CC2D2A: variants seen among roughly 807,000 people sequenced by gnomAD.
CC2D2A encodes coiled-coil and C2 domain containing 2A, also known as coiled-coil and C2 domain-containing protein 2A.
A neutral mutation model predicts 212.9 loss-of-function variants in CC2D2A; 155 were observed. That is an observed-to-expected ratio of 0.73 (90% CI 0.64 to 0.83). The LOEUF is 0.83. CC2D2A is among the 40% of genes least tolerant of loss of function. The pLI is 0.00. For synonymous variants in CC2D2A, 667 were observed against 686.5 expected, an observed-to-expected ratio of 0.97 and a Z score of 0.44; for missense variants, 1,856 against 1,956.2, an observed-to-expected ratio of 0.95 and a Z score of 0.97.
At chr4:15,594,723 AG>A (rs1392609647) in intron 33 of CC2D2A, among the ~76,000 whole-genome samples, 6 of 152,342 alleles carry the variant, frequency 3.9e-5, no homozygotes, top group African/African-American at 1.4e-4. Context: ...GCATATAGAA[AG>A]GAGTGCAGAA....
intron 4 of CC2D2A, chr4:15,482,162 T>C: frequency 1.0e-6 from 1 of 985,424 alleles, no homozygotes; most frequent in Non-Finnish European, 1.2e-6. Context: ...TAGAGGCCTT[T>C]GGAAGCAAGT....
At chr4:15,510,064 G>T in intron 6 of CC2D2A, 75 bp from the exon 7 acceptor site, 1 of 1,121,272 alleles carries the variant, frequency 8.9e-7, no homozygotes, top group Non-Finnish European at 1.3e-6. Flanking sequence ...GGATGGGGGG[G>T]TTAACCTTCA....
chr4:15,476,314 T>C (rs1324363970), intron 2 of CC2D2A, among the ~76,000 whole-genome samples: 1 of 152,226 alleles, frequency 6.6e-6, no homozygotes, highest in Admixed American at 6.5e-5. Flanking sequence ...CTGTGATTGA[T>C]TGACACTCAG....
In CC2D2A at chr4:15,574,808, T is replaced by A. The variant is rs143279337; in HGVS notation, c.3771+482T>A. ...CCTTCATGAGTCACCTCAATTCATTTCATGAAATAAATATATGTACAAGTA... is the reference window on the plus strand; with the variant it reads ...CCTTCATGAGTCACCTCAATTCATTACATGAAATAAATATATGTACAAGTA... On this transcript the variant is annotated intron_variant, in intron 29 of 36. Transcript: ENST00000424120. Among the ~76,000 whole-genome samples the A allele has an allele frequency of 2.8e-3, 431 of 152,346 alleles. 6 individuals carry two copies. Among genetic ancestry groups the A allele is most frequent in the African/African-American group, 0.01 (418 of 41,584 alleles).
chr4:15,500,590 G>A (rs1715892202), intron 4 of CC2D2A, among the ~76,000 whole-genome samples: 1 of 152,060 alleles, frequency 6.6e-6, no homozygotes, highest in African/African-American at 2.4e-5. Flanking sequence ...TGATAGTTGG[G>A]GGCATGATAT....
chr4:15,533,954 A>G (rs1717986795), intron 14 of CC2D2A, among the ~76,000 whole-genome samples: 2 of 152,198 alleles, frequency 1.3e-5, no homozygotes, highest in Admixed American at 1.3e-4. Flanking sequence ...GTGCTGATTC[A>G]TGCCTTCATG....
At position 15,560,584 on chromosome 4, in the gene CC2D2A, T is replaced by C; in HGVS notation, c.2976T>C (p.Leu992=). 2 of 1,522,212 alleles carry C rather than the reference T, an allele frequency of 1.3e-6. No individual in the cohort carries two copies. Among genetic ancestry groups the C allele is most frequent in the Non-Finnish European group, 1.8e-6 (2 of 1,107,312 alleles). The allele number at this position is 1,522,212 out of a possible 1,614,324, so 94.3% of individuals were successfully genotyped here. A position where few individuals can be genotyped will look rare whatever the true frequency, so the allele number is the denominator to read the frequency against. The change falls in exon 23 of 37, where the codon CTT becomes CTC. Residue 992 remains leucine, a synonymous_variant. Transcript: ENST00000424120. ...TAATTGCAAAACAATATTTTCTTCT[T>C]GCTGATATGATAGTAGAAGAAGAAG... ...RFLIAKQYFL[L]ADMIVEEEVP...
chr4:15,573,899 A>G (rs528201820), intron 28 of CC2D2A, among the ~76,000 whole-genome samples: 3 of 152,350 alleles, frequency 2.0e-5, no homozygotes, highest in African/African-American at 7.2e-5. Flanking sequence ...CTGCGTTTAA[A>G]CCAAGACTTG....
intron 17 of CC2D2A, among the ~76,000 whole-genome samples, chr4:15,544,541 C>G (rs991907663): frequency 1.3e-5 from 2 of 152,258 alleles, no homozygotes; most frequent in East Asian, 3.9e-4. Flanking sequence ...CTCAGAAAGA[C>G]AGGAGAGAAG....
chr4:15,511,118 A>G, intron 7 of CC2D2A, 129 bp from the exon 8 acceptor site: 2 of 1,048,338 alleles, frequency 1.9e-6, no homozygotes, highest in Non-Finnish European at 1.3e-6. Flanking sequence ...ACCTTTAACT[A>G]AGACAATATG....
At chr4:15,511,675 A>G (rs1274473923) in intron 8 of CC2D2A, 3 of 261,838 alleles carry the variant, frequency 1.1e-5, no homozygotes, top group African/African-American at 4.5e-5. Context: ...GAATTAAATA[A>G]TGTGGCTTGA....
Position 15,514,854 on chromosome 4 carries a change from C to T in CC2D2A, c.865C>T (p.Pro289Ser), listed in dbSNP as rs371405756. ...LQMEREMLFIPSRQTVPTYKK... is the reference protein window; with the variant it reads ...LQMEREMLFISSRQTVPTYKK... The stretch of plus-strand genomic sequence containing the variant: ...GATGGAAAGAGAAATGCTCTTCATA[C>T]CCAGTAGGCAGACAGGTACTTGCTC... Residue 289 changes from proline to serine, a missense_variant, in exon 9 of 37, where the codon CCC becomes TCC. Pro to Ser is a moderately conservative substitution (Grantham distance 74). Around this residue, in one of 5 missense-constraint regions of CC2D2A, gnomAD observed 1,512 missense variants for 1,579.3 expected, o/e 0.96. Coordinates refer to ENST00000424120, the MANE Select transcript of CC2D2A (RefSeq NM_001378615.1). The T allele has an allele frequency of 6.2e-6, 10 of 1,613,698 alleles. No individual in the cohort carries two copies. Among genetic ancestry groups the T allele is most frequent in the Non-Finnish European group, 8.5e-6 (10 of 1,179,680 alleles).
rs569744232 is a variant in CC2D2A at position 15,472,130 on chromosome 4, G to A, written c.-19+2073G>A. Among the ~76,000 whole-genome samples, 18 of 152,274 alleles carry A rather than the reference G, an allele frequency of 1.2e-4. No individual in the cohort carries two copies. The South Asian group carries it at 3.5e-3, about 30-fold the overall frequency. The stretch of plus-strand genomic sequence containing the variant: ...AAATGGTGAGATGGAGGGGTAGAGT[G>A]GAGTGAGGGAGGACTCAGGAATCAC... On this transcript the variant is annotated intron_variant, in intron 1 of 36. Coordinates refer to ENST00000424120, the MANE Select transcript of CC2D2A (RefSeq NM_001378615.1).
At chr4:15,563,307 C>T (rs1560184503) in intron 23 of CC2D2A, 48 bp from the exon 24 acceptor site, 3 of 1,520,460 alleles carry the variant, frequency 2.0e-6, no homozygotes, top group Non-Finnish European at 2.7e-6. Flanking sequence ...CACAATTTTG[C>T]AGACCTTTCT....
At chr4:15,534,070 A>G (rs780750607) in intron 14 of CC2D2A, among the ~76,000 whole-genome samples, 1 of 152,110 alleles carries the variant, frequency 6.6e-6, no homozygotes, top group South Asian at 2.1e-4. Flanking sequence ...TTTCCTGACT[A>G]TTCATGAAGG....
At chr4:15,570,543 T>A (rs771981876) in intron 28 of CC2D2A, 47 bp downstream of exon 28, 2 of 1,335,564 alleles carry the variant, frequency 1.5e-6, no homozygotes, top group Non-Finnish European at 2.1e-6. Context: ...AATTTCTCTA[T>A]CCATTTTTCC....
At chr4:15,516,903 A>G in intron 11 of CC2D2A, 147 bp downstream of exon 11, 1 of 586,602 alleles carries the variant, frequency 1.7e-6, no homozygotes, top group Non-Finnish European at 2.6e-6. Context: ...CATCAGGCAT[A>G]TTATGTAAGA....
chr4:15,495,854 T>C (rs1715585811), intron 4 of CC2D2A, among the ~76,000 whole-genome samples: 1 of 152,236 alleles, frequency 6.6e-6, no homozygotes, highest in South Asian at 2.1e-4. Context: ...CCACTCACAG[T>C]GTATAACAGT....
chr4:15,580,259 C>A, intron 30 of CC2D2A, 88 bp downstream of exon 30: 5 of 924,352 alleles, frequency 5.4e-6, no homozygotes, highest in Admixed American at 2.3e-5. Flanking sequence ...TTTCATAGTG[C>A]TTAAGATGTT....
Sources: allele counts gnomAD v4.1 joint callset (sites outside exome capture counted in the v4.1 genomes callset), GRCh38; gene constraint gnomAD v4.1.1; regional missense constraint gnomAD v4.1.1; transcripts MANE v1.5; gene names NCBI Gene and HGNC (gene_info 2026-07-23, HGNC 2026-07-21).